FAAH2: variants seen among roughly 807,000 people sequenced by gnomAD.
The protein encoded by FAAH2 is fatty acid amide hydrolase 2.
In FAAH2, 60 loss-of-function variants were observed where a neutral mutation model predicts 36.9. That is an observed-to-expected ratio of 1.63 (90% CI 1.32 to 2.02). The LOEUF (loss-of-function observed/expected upper bound fraction) is 2.02. FAAH2 is among the 30% of genes most tolerant of loss of function. FAAH2 has a pLI of 0.00. For synonymous variants in FAAH2, 214 were observed against 143.8 expected (o/e 1.49, Z -3.49); for missense variants, 689 against 397.5 (o/e 1.73, Z -6.23).
chrX:57,207,226 A>C, the FAAH2 span, among the ~76,000 whole-genome samples: 1 of 111,209 alleles, frequency 9.0e-6, no homozygotes, highest in Admixed American at 9.6e-5. Context: ...TGTTGTAATA[A>C]ATCTCTTTCC....
chrX:57,270,338 G>A, the FAAH2 span, among the ~76,000 whole-genome samples: 3 of 111,535 alleles, frequency 2.7e-5, no homozygotes, highest in African/African-American at 9.8e-5. Flanking sequence ...AAAAATTGAG[G>A]AGAATGGACG....
the FAAH2 span, among the ~76,000 whole-genome samples, chrX:57,125,266 G>A: frequency 8.9e-6 from 1 of 112,952 alleles, no homozygotes; most frequent in Non-Finnish European, 1.9e-5. Flanking sequence ...AGATAATCAT[G>A]TGGTTTTTGT....
upstream of FAAH2, among the ~76,000 whole-genome samples, chrX:57,283,154 G>A (rs1015221710): frequency 8.9e-6 from 1 of 112,345 alleles, no homozygotes; most frequent in Non-Finnish European, 1.9e-5. Flanking sequence ...TCCTTATGGT[G>A]GCTGTGGCTT....
chrX:57,187,097 T>A, the FAAH2 span, among the ~76,000 whole-genome samples: 3 of 111,869 alleles, frequency 2.7e-5, no homozygotes, highest in Non-Finnish European at 5.6e-5. Context: ...TCTAGTTCTG[T>A]GAAGAAAGTC....
At chrX:57,440,938 C>A (rs1311310659) in intron 8 of FAAH2, among the ~76,000 whole-genome samples, 2 of 111,337 alleles carry the variant, frequency 1.8e-5, no homozygotes, top group African/African-American at 6.5e-5. Context: ...AGTGTTGCAT[C>A]CGAGGGATGA....
chrX:57,387,288 T>C (rs2055049095), intron 7 of FAAH2, among the ~76,000 whole-genome samples: 1 of 111,237 alleles, frequency 9.0e-6, no homozygotes, highest in African/African-American at 3.3e-5. Context: ...AAATAAGAGG[T>C]ATGACTATGA....
chrX:57,181,363 C>A, the FAAH2 span, among the ~76,000 whole-genome samples: 1 of 111,941 alleles, frequency 8.9e-6, no homozygotes, highest in South Asian at 3.7e-4. Context: ...CCAAAAGTTT[C>A]ATAATTGAAA....
chrX:57,278,104 C>T, the FAAH2 span, among the ~76,000 whole-genome samples: 1 of 111,512 alleles, frequency 9.0e-6, no homozygotes, highest in Non-Finnish European at 1.9e-5. Flanking sequence ...AAAAAGAGCC[C>T]TCATTGCCAT....
intron 9 of FAAH2, among the ~76,000 whole-genome samples, chrX:57,447,385 GC>G (rs1401932815): frequency 9.0e-6 from 1 of 111,362 alleles, no homozygotes; most frequent in Non-Finnish European, 1.9e-5. Flanking sequence ...GAGGACAGTG[GC>G]CCTCTTCTCA....
intron 10 of FAAH2, among the ~76,000 whole-genome samples, chrX:57,479,096 G>C (rs191076595): frequency 9.0e-6 from 1 of 111,623 alleles, no homozygotes; most frequent in East Asian, 2.8e-4. Flanking sequence ...CCATTTTCAC[G>C]ATATTGATTC....
chrX:57,481,425 G>T (rs754249642), intron 10 of FAAH2, among the ~76,000 whole-genome samples: 1 of 111,432 alleles, frequency 9.0e-6, no homozygotes, highest in South Asian at 3.8e-4. Context: ...TGGGGTTTTT[G>T]TGTGGGGTTC....
chrX:57,220,259 C>G, the FAAH2 span, among the ~76,000 whole-genome samples: 1 of 109,418 alleles, frequency 9.1e-6, no homozygotes, highest in Non-Finnish European at 1.9e-5. Context: ...TGCCATCTTC[C>G]CAGTCAGCTG....
chrX:57,420,182 G>C (rs940219755), intron 7 of FAAH2, among the ~76,000 whole-genome samples: 1 of 110,928 alleles, frequency 9.0e-6, no homozygotes, highest in African/African-American at 3.3e-5. Flanking sequence ...TTTTGGCTTA[G>C]GATTGACTTG....
At chrX:57,331,358 A>G (rs1367610834) in intron 3 of FAAH2, among the ~76,000 whole-genome samples, 1 of 110,798 alleles carries the variant, frequency 9.0e-6, no homozygotes, top group African/African-American at 3.3e-5. Flanking sequence ...AGTGAACAGT[A>G]GCCCTGTGCA....
upstream of FAAH2, among the ~76,000 whole-genome samples, chrX:57,282,249 T>G (rs772251692): frequency 2.2e-4 from 25 of 112,244 alleles, no homozygotes; most frequent in South Asian, 4.8e-3. Flanking sequence ...TTTGACATTT[T>G]AATAATAGCC....
chrX:57,230,535 C>A, the FAAH2 span, among the ~76,000 whole-genome samples: 2 of 110,626 alleles, frequency 1.8e-5, no homozygotes, highest in Non-Finnish European at 3.8e-5. Context: ...CTATGTTACA[C>A]TTCCTTCTAT....
intron 8 of FAAH2, among the ~76,000 whole-genome samples, chrX:57,436,610 T>A (rs1000125428): frequency 9.0e-6 from 1 of 110,631 alleles, no homozygotes; most frequent in African/African-American, 3.3e-5. Context: ...TTCTTAAAAA[T>A]TATTATTAAG....
the FAAH2 span, among the ~76,000 whole-genome samples, chrX:57,236,699 T>TG: frequency 7.2e-3 from 798 of 110,531 alleles, 5 homozygotes; most frequent in Non-Finnish European, 0.011. Flanking sequence ...TCAGATTATT[T>TG]GGGGGGGGTG....
chrX:57,228,410 C>T, the FAAH2 span, among the ~76,000 whole-genome samples: 2 of 111,409 alleles, frequency 1.8e-5, no homozygotes, highest in African/African-American at 6.5e-5. Context: ...CACAAACAGA[C>T]CTTCAGCTTC....
Sources: allele counts gnomAD v4.1 joint callset (sites outside exome capture counted in the v4.1 genomes callset), GRCh38; gene constraint gnomAD v4.1.1; transcripts MANE v1.5; gene names NCBI Gene and HGNC (gene_info 2026-07-23, HGNC 2026-07-21).